The following EML6 variants were observed in gnomAD, a reference collection of about 807,000 sequenced individuals.
EML6 encodes echinoderm microtubule-associated protein-like 6.
In EML6, 154 loss-of-function variants were observed where a neutral mutation model predicts 240.1. The ratio of observed to expected loss-of-function variants is 0.64; its 90% CI spans 0.56 to 0.73. EML6 has a LOEUF of 0.73. Among genes scored for constraint, EML6 ranks in the 30% least tolerant of loss-of-function variants. The probability of loss-of-function intolerance (pLI) is 0.00; values close to 1 mark genes in which losing one functional copy is unlikely to be tolerated. For synonymous variants in EML6, 1,148 were observed against 899.0 expected (o/e 1.28, Z -4.95); for missense variants, 2,964 against 2,474.6 (o/e 1.20, Z -4.20).
At chr2:54,892,426 A>C in intron 18 of EML6, 28 bp from the exon 19 acceptor site, 1 of 1,497,028 alleles carries the variant, frequency 6.7e-7, no homozygotes, top group Non-Finnish European at 9.1e-7. Flanking sequence ...GATTTTATAA[A>C]GTAATAACTG....
intron 19 of EML6, 35 bp from the exon 20 acceptor site, chr2:54,894,880 T>C: frequency 2.1e-6 from 3 of 1,437,352 alleles, no homozygotes; most frequent in South Asian, 2.5e-5. Context: ...GTCATTTTGA[T>C]GTGTATATAA....
intron 2 of EML6, among the ~76,000 whole-genome samples, chr2:54,763,439 A>G (rs1263013664): frequency 6.6e-6 from 1 of 152,252 alleles, no homozygotes; most frequent in African/African-American, 2.4e-5. Context: ...GAACTTTAAC[A>G]TGATTCCAAA....
chr2:54,816,620 C>A (rs889914324), intron 3 of EML6, among the ~76,000 whole-genome samples, 167 bp from the exon 4 acceptor site: 6 of 152,172 alleles, frequency 3.9e-5, no homozygotes, highest in African/African-American at 7.2e-5. Flanking sequence ...TAATGGAAGT[C>A]ATCATCTATT....
At chr2:54,897,985 C>T (rs1212275999) in intron 21 of EML6, among the ~76,000 whole-genome samples, 3 of 152,178 alleles carry the variant, frequency 2.0e-5, no homozygotes, top group African/African-American at 7.2e-5. Context: ...TCCACTTTGC[C>T]GGTTTTGGTG....
In EML6 at chr2:54,967,062, A is replaced by G. The variant is rs1385104302; in HGVS notation, c.5556A>G (p.Glu1852=). 1 of 1,551,416 alleles carries G rather than the reference A, an allele frequency of 6.4e-7. No homozygotes were observed. The highest frequency in any genetic ancestry group is 8.7e-7 in the Non-Finnish European group (1 of 1,146,894). The change falls in exon 39 of 42, where the codon GAA becomes GAG. Residue 1852 remains glutamate (E), a synonymous_variant. Transcript: ENST00000356458. The stretch of plus-strand genomic sequence containing the variant: ...TCCCCCTGGGGAAGCAGGTAACTGA[A>G]GCCGTGGTCATTGAGAAGATCACCT... ...HEVPLGKQVT[E]AVVIEKITWA...
At position 54,822,342 on chromosome 2, in the gene EML6, T is replaced by C. The variant is rs113807186; in HGVS notation, c.525+1880T>C. 1.9e-3 allele frequency among the ~76,000 whole-genome samples: 294 copies of C among 152,314 alleles called. 2 individuals are homozygous for C. The highest frequency in any genetic ancestry group is 3.1e-3 in the Non-Finnish European group (213 of 67,994). On this transcript the variant is annotated intron_variant, in intron 5 of 41. Coordinates refer to ENST00000356458, the MANE Select transcript of EML6 (RefSeq NM_001039753.4). ...CAAGAAATTTGGAAATATTTATCCT[T>C]AGAAATGTCAATTCTCTTTGATCCA...
chr2:54,841,278 C>G (rs946264431), intron 7 of EML6, among the ~76,000 whole-genome samples: 1 of 152,226 alleles, frequency 6.6e-6, no homozygotes, highest in Non-Finnish European at 1.5e-5. Flanking sequence ...TGACCCTGAA[C>G]TACTGTTGCC....
intron 2 of EML6, among the ~76,000 whole-genome samples, chr2:54,738,068 A>G (rs1238191287): frequency 6.6e-6 from 1 of 152,098 alleles, no homozygotes; most frequent in East Asian, 1.9e-4. Flanking sequence ...CTCTATTTAA[A>G]ATTCAAACTC....
chr2:54,854,705 G>T (rs1670277253), intron 11 of EML6, among the ~76,000 whole-genome samples: 1 of 152,212 alleles, frequency 6.6e-6, no homozygotes, highest in Non-Finnish European at 1.5e-5. Flanking sequence ...TGACAGTTAT[G>T]GTACAAATGG....
intron 2 of EML6, among the ~76,000 whole-genome samples, chr2:54,809,492 T>C (rs1306210154): frequency 6.6e-6 from 1 of 152,138 alleles, no homozygotes; most frequent in Non-Finnish European, 1.5e-5. Context: ...AGACCTGACC[T>C]TTTAATCTGC....
intron 38 of EML6, among the ~76,000 whole-genome samples, chr2:54,966,356 C>T (rs1478916641): frequency 6.6e-6 from 1 of 152,232 alleles, no homozygotes; most frequent in Admixed American, 6.5e-5. Flanking sequence ...GGAAAGAGCT[C>T]AGCTTCCCAG....
chr2:54,914,453 G>A (rs1345727184), intron 25 of EML6, among the ~76,000 whole-genome samples: 2 of 152,202 alleles, frequency 1.3e-5, no homozygotes, highest in African/African-American at 2.4e-5. Context: ...TGGTAGAGGA[G>A]GATGAGGCTG....
chr2:54,785,170 CTTTTT>C (rs57639955), intron 2 of EML6, among the ~76,000 whole-genome samples: 11 of 102,642 alleles, frequency 1.1e-4, no homozygotes, highest in Non-Finnish European at 1.7e-4. Context: ...CACACACACA[CTTTTT>C]TTTTTTTTTT....
intron 2 of EML6, among the ~76,000 whole-genome samples, chr2:54,789,370 C>T (rs9711112): frequency 0.14 from 21,743 of 150,912 alleles, 1,848 homozygotes; most frequent in South Asian, 0.21. Context: ...AAAAATTAGC[C>T]GGGCGTGATG....
Position 54,871,661 on chromosome 2 carries a change from A to C in EML6, c.2344+56A>C, listed in dbSNP as rs1359142072. ...TACGTTGAGAGAGAGAGAGACACAGAGAGAGTATGCCCCGCGCATGCGCGC... is the reference window on the plus strand; with the variant it reads ...TACGTTGAGAGAGAGAGAGACACAGCGAGAGTATGCCCCGCGCATGCGCGC... On this transcript the variant is annotated intron_variant, in intron 16 of 41. Transcript: ENST00000356458. 2.0e-5 allele frequency: 26 copies of C among 1,280,392 alleles called. No homozygotes were observed. The East Asian group carries it at 6.3e-4, about 31-fold the overall frequency. The allele number at this position is 1,280,392 out of a possible 1,614,324, so 79.3% of individuals were successfully genotyped here.
intron 28 of EML6, among the ~76,000 whole-genome samples, chr2:54,939,079 A>G (rs1031013057): frequency 5.9e-5 from 9 of 152,254 alleles, no homozygotes; most frequent in African/African-American, 2.2e-4. Context: ...TTGAATGAAT[A>G]AATGGATTCC....
At chr2:54,888,638 C>G (rs186479068) in intron 17 of EML6, among the ~76,000 whole-genome samples, 1 of 152,086 alleles carries the variant, frequency 6.6e-6, no homozygotes, top group African/African-American at 2.4e-5. Flanking sequence ...TTCTGATTGG[C>G]TTCTTTTACT....
intron 30 of EML6, among the ~76,000 whole-genome samples, chr2:54,952,302 G>C (rs1033152963): frequency 6.6e-6 from 1 of 152,126 alleles, no homozygotes; most frequent in Non-Finnish European, 1.5e-5. Context: ...GGAAACCCCT[G>C]TACTTGAACT....
chr2:54,897,240 G>C (rs1476468747), intron 21 of EML6, among the ~76,000 whole-genome samples: 1 of 152,142 alleles, frequency 6.6e-6, no homozygotes, highest in Non-Finnish European at 1.5e-5. Context: ...TGTTACACTT[G>C]AGGTAGTTTG....
Sources: allele counts gnomAD v4.1 joint callset (sites outside exome capture counted in the v4.1 genomes callset), GRCh38; gene constraint gnomAD v4.1.1; transcripts MANE v1.5; gene names NCBI Gene and HGNC (gene_info 2026-07-23, HGNC 2026-07-21).